The following ARLN variants were observed in gnomAD, a reference collection of about 807,000 sequenced individuals.
ARLN encodes allregulin, also known as sarcoplasmic/endoplasmic reticulum calcium ATPase regulator ARLN.
chr4:119,302,187 A>T, the ARLN span, among the ~76,000 whole-genome samples: 1 of 152,210 alleles, frequency 6.6e-6, no homozygotes, highest in Non-Finnish European at 1.5e-5. Flanking sequence ...TTGAAGAAGC[A>T]TGACATAAAC....
the ARLN span, among the ~76,000 whole-genome samples, chr4:119,302,282 T>A: frequency 6.6e-6 from 1 of 152,204 alleles, no homozygotes; most frequent in Non-Finnish European, 1.5e-5. Flanking sequence ...GTATGATCTG[T>A]TCTAGAGTCA....
chr4:119,300,459 T>C, the ARLN span: 6 of 1,614,056 alleles, frequency 3.7e-6, no homozygotes, highest in African/African-American at 2.7e-5. Flanking sequence ...ATCGAAGTTC[T>C]GCCTCCCTCC....
the ARLN span, among the ~76,000 whole-genome samples, chr4:119,301,435 T>G: frequency 6.6e-6 from 1 of 150,538 alleles, no homozygotes; most frequent in Admixed American, 6.6e-5. Context: ...TGGGGGGAAA[T>G]GGGGGTGGGA....
At chr4:119,299,498 G>A in the ARLN span, among the ~76,000 whole-genome samples, 1 of 152,168 alleles carries the variant, frequency 6.6e-6, no homozygotes, top group Non-Finnish European at 1.5e-5. Context: ...TCCCATAGGA[G>A]CCCTGTTTCA....
chr4:119,304,133 C>T, the ARLN span: 2 of 698,558 alleles, frequency 2.9e-6, no homozygotes, highest in South Asian at 2.0e-5. Flanking sequence ...AATGCTTTCT[C>T]ACCTGTCCAA....
chr4:119,296,697 G>C, the ARLN span: 2 of 152,186 alleles, frequency 1.3e-5, no homozygotes, highest in Non-Finnish European at 1.5e-5. Flanking sequence ...AGGCCCTCAA[G>C]GGGTTGGCCC....
the ARLN span, chr4:119,298,027 A>G: frequency 6.6e-6 from 1 of 152,454 alleles, no homozygotes; most frequent in African/African-American, 2.4e-5. Flanking sequence ...AGTTACAGAT[A>G]TTATACAAGT....
At chr4:119,298,782 G>A in the ARLN span, 1 of 775,692 alleles carries the variant, frequency 1.3e-6, no homozygotes, top group Non-Finnish European at 2.4e-6. Flanking sequence ...GAACAAGTCT[G>A]TAAAAAGCAA....
the ARLN span, chr4:119,304,170 T>G: frequency 1.8e-6 from 2 of 1,105,692 alleles, no homozygotes; most frequent in Non-Finnish European, 2.6e-6. Context: ...AGGGCCCCAC[T>G]TAAGTGCCAA....
chr4:119,296,433 T>C, the ARLN span: 1 of 152,080 alleles, frequency 6.6e-6, no homozygotes, highest in Non-Finnish European at 1.5e-5. Flanking sequence ...TAGAAATAAA[T>C]TTATTATGAG....
the ARLN span, among the ~76,000 whole-genome samples, chr4:119,301,405 CA>C: frequency 6.6e-6 from 1 of 151,782 alleles, no homozygotes; most frequent in East Asian, 1.9e-4. Context: ...CCAGCCTGGG[CA>C]ACAGAGCGAG....
chr4:119,301,741 G>A, the ARLN span, among the ~76,000 whole-genome samples: 1 of 152,020 alleles, frequency 6.6e-6, no homozygotes, highest in Non-Finnish European at 1.5e-5. Flanking sequence ...ATAGAATTAG[G>A]AAATGAGACA....
the ARLN span, chr4:119,298,164 G>C: frequency 2.0e-5 from 3 of 152,174 alleles, no homozygotes; most frequent in Non-Finnish European, 4.4e-5. Context: ...CCAGGTAAGA[G>C]GGCATGCATG....
At chr4:119,303,008 A>ATTTTTTTCC in the ARLN span, among the ~76,000 whole-genome samples, 1 of 152,206 alleles carries the variant, frequency 6.6e-6, no homozygotes, top group Admixed American at 6.5e-5. Context: ...TTAATTTTAT[A>ATTTTTTTCC]GAATAACCTC....
chr4:119,300,660 T>C, the ARLN span: 19 of 1,555,036 alleles, frequency 1.2e-5, no homozygotes, highest in East Asian at 2.4e-5. Context: ...CGCCCCGGGT[T>C]CCGGAATGCA....
the ARLN span, chr4:119,300,261 TC>T: frequency 8.3e-7 from 1 of 1,208,384 alleles, no homozygotes; most frequent in African/African-American, 1.5e-5. Context: ...TGGAATTCAG[TC>T]CCCTCCCCGC....
At chr4:119,300,652 C>T in the ARLN span, 8 of 1,564,260 alleles carry the variant, frequency 5.1e-6, no homozygotes, top group Non-Finnish European at 6.9e-6. Context: ...GTGCGCCGCG[C>T]CCCGGGTTCC....
chr4:119,299,936 C>G, the ARLN span, among the ~76,000 whole-genome samples: 10 of 152,082 alleles, frequency 6.6e-5, no homozygotes, highest in African/African-American at 2.4e-4. Context: ...TGCCAGGCAA[C>G]ATGCAAATCA....
the ARLN span, chr4:119,298,924 G>A: frequency 4.4e-6 from 2 of 450,062 alleles, no homozygotes; most frequent in South Asian, 3.1e-5. Context: ...GAAAGTTCAG[G>A]TCATAAAAAC....
Sources: gnomAD v4.1 joint callset for allele counts (sites outside exome capture counted in the v4.1 genomes callset) on GRCh38, gnomAD v4.1.1 for gene constraint, MANE v1.5 for transcripts, NCBI Gene and HGNC (gene_info 2026-07-23, HGNC 2026-07-21) for gene names.